The following C12orf43 variants were observed in gnomAD, a reference collection of about 807,000 sequenced individuals.
C12orf43 encodes protein CUSTOS.
In C12orf43, 15 loss-of-function variants were observed where a neutral mutation model predicts 20.6. That is an observed-to-expected ratio of 0.73 (90% CI 0.49 to 1.12). The LOEUF is 1.12. C12orf43 is among the 50% of genes most tolerant of loss of function. The pLI is 0.00. For missense variants in C12orf43, 334 were observed against 344.4 expected (o/e 0.97, Z 0.24); for synonymous variants, 144 against 130.8 (o/e 1.10, Z -0.69).
At position 121,003,982 on chromosome 12, in the gene C12orf43, C is replaced by A; in HGVS notation, c.*171G>T. The stretch of plus-strand genomic sequence containing the variant: ...TCTCACCCTACAGCCACTTTTTTGG[C>A]CCAACTCTCGAGCAAGCCTTCATCA... On this transcript the variant is annotated 3_prime_UTR_variant, in exon 6 of 6. Coordinates refer to ENST00000288757, the MANE Select transcript of C12orf43 (RefSeq NM_022895.3). 1 of 732,622 alleles carries A rather than the reference C, an allele frequency of 1.4e-6. No individual in the cohort carries two copies. 45.4% of individuals were successfully genotyped at this position (732,622 alleles called of 1,614,324 possible).
chr12:121,011,101 T>C lies in C12orf43; in HGVS notation c.188+3A>G, dbSNP rs1232165472. 2 of 1,613,968 alleles carry C rather than the reference T, an allele frequency of 1.2e-6. No individual in the cohort carries two copies. The highest frequency in any genetic ancestry group is 3.3e-5 in the Admixed American group (2 of 60,024). The stretch of plus-strand genomic sequence containing the variant: ...TGAAACTTGAACCCAAAGTGCATAG[T>C]ACCTGAGGCTCGGTTGGGAGGTTGA... On this transcript the variant is annotated splice_donor_region_variant and intron_variant, in intron 2 of 5. Transcript: ENST00000288757.
In C12orf43 at chr12:121,003,194, T is replaced by G. The variant is rs1877661092; in HGVS notation, c.*959A>C. ...GGCGTGTGTCAACATGCTCAGCTAA[T>G]TTTTGTATTTTTAGTAGAGATGGGG... On this transcript the variant is annotated 3_prime_UTR_variant, in exon 6 of 6. Coordinates refer to ENST00000288757, the MANE Select transcript of C12orf43 (RefSeq NM_022895.3). The G allele has an allele frequency of 1.3e-5, 2 of 152,058 alleles. No homozygotes were observed. The highest frequency in any genetic ancestry group is 6.6e-5 in the Admixed American group (1 of 15,246). The allele number at this position is 152,058 out of a possible 1,614,324, so 9.4% of individuals were successfully genotyped here.
At position 121,001,274 on chromosome 12, in the gene C12orf43, A is replaced by G; in HGVS notation, c.*2879T>C. 2 of 1,537,254 alleles carry G rather than the reference A, an allele frequency of 1.3e-6. No individual in the cohort carries two copies. The highest frequency in any genetic ancestry group is 1.8e-6 in the Non-Finnish European group (2 of 1,126,354). ...CAGCCAGCCCTGCCTGGAGGACCTG[A>G]GCCTGCCGAGCAACCGTGGCCCTTC... is the stretch of plus-strand genomic sequence containing the variant. On this transcript the variant is annotated 3_prime_UTR_variant, in exon 6 of 6. Transcript: ENST00000288757.
chr12:121,007,796 TGTATGCCAAAG>T (rs1878135730), intron 3 of C12orf43, among the ~76,000 whole-genome samples: 1 of 152,120 alleles, frequency 6.6e-6, no homozygotes, highest in Non-Finnish European at 1.5e-5. Context: ...CCTCCCTTCC[TGTATGCCAAAG>T]GTGCCCCCCA....
At chr12:121,014,956 C>G (rs1868766583) in intron 1 of C12orf43, among the ~76,000 whole-genome samples, 1 of 151,484 alleles carries the variant, frequency 6.6e-6, no homozygotes, top group Admixed American at 6.6e-5. Context: ...AGACTGAGTC[C>G]TAGTTTTGAA....
chr12:121,016,261 T>A (rs1592926632), intron 1 of C12orf43, 69 bp downstream of exon 1: 1 of 1,605,462 alleles, frequency 6.2e-7, no homozygotes, highest in East Asian at 2.2e-5. Flanking sequence ...CTCCTCACCA[T>A]CCATCCTCTC....
rs1424844629 is a variant in C12orf43 at position 121,003,535 on chromosome 12, A to G, written c.*618T>C. 1 of 152,458 alleles carries G rather than the reference A, an allele frequency of 6.6e-6. No individual in the cohort carries two copies. Among genetic ancestry groups the G allele is most frequent in the Non-Finnish European group, 1.5e-5 (1 of 68,240 alleles). The allele number at this position is 152,458 out of a possible 1,614,324, so 9.4% of individuals were successfully genotyped here. A position where few individuals can be genotyped will look rare whatever the true frequency, so the allele number is the denominator to read the frequency against. ...AAGTTTTGTTTTGGGTCCTCTGACAATTGAGTTTCCATAATCTGGTCGGCT... is the reference window on the plus strand; with the variant it reads ...AAGTTTTGTTTTGGGTCCTCTGACAGTTGAGTTTCCATAATCTGGTCGGCT... On this transcript the variant is annotated 3_prime_UTR_variant, in exon 6 of 6. Transcript: ENST00000288757.
chr12:121,009,057 G>C (rs541472190), intron 3 of C12orf43, among the ~76,000 whole-genome samples: 37 of 152,166 alleles, frequency 2.4e-4, no homozygotes, highest in Admixed American at 1.0e-3. Context: ...TGTTTCTCAC[G>C]CTTCTTTGCT....
rs368183052 is a variant in C12orf43 at position 121,001,216 on chromosome 12, C to G, written c.*2937G>C. 1.9e-6 allele frequency: 3 copies of G among 1,613,094 alleles called. No individual in the cohort carries two copies. The highest frequency in any genetic ancestry group is 3.3e-5 in the Admixed American group (2 of 59,980). On this transcript the variant is annotated 3_prime_UTR_variant, in exon 6 of 6. Transcript: ENST00000288757. ...AACCACGGCACCTGGGCCCTGGGGC[C>G]TGTACTGCCTGCTTGGGGGGTGATG...
intron 1 of C12orf43, 117 bp from the exon 2 acceptor site, chr12:121,011,263 A>C (rs944180499): frequency 2.5e-5 from 17 of 684,000 alleles, no homozygotes; most frequent in Admixed American, 2.1e-4. Flanking sequence ...ATATACATAC[A>C]CATGTAACTC....
rs1162497533 is a variant in C12orf43 at position 121,012,514 on chromosome 12, T to C, written c.146-1368A>G. On this transcript the variant is annotated intron_variant, in intron 1 of 5. Coordinates refer to ENST00000288757, the MANE Select transcript of C12orf43 (RefSeq NM_022895.3). ...AGGAACACGGAGTCTGCTGCAGTAA[T>C]TGATGTGGTGAGAAGTGGGTGAACT... The C allele has an allele frequency of 4.3e-6, 3 of 702,096 alleles. No homozygotes were observed. The African/African-American group carries it at 5.2e-5, about 12-fold the overall frequency. 43.5% of individuals were successfully genotyped at this position (702,096 alleles called of 1,614,324 possible). A position where few individuals can be genotyped will look rare whatever the true frequency, so the allele number is the denominator to read the frequency against.
chr12:121,004,053 G>A lies in C12orf43; in HGVS notation c.*100C>T. 7.5e-7 allele frequency: 1 copy of A among 1,341,016 alleles called. No homozygotes were observed. The highest frequency in any genetic ancestry group is 1.1e-6 in the Non-Finnish European group (1 of 935,422). 83.1% of individuals were successfully genotyped at this position (1,341,016 alleles called of 1,614,324 possible). On this transcript the variant is annotated 3_prime_UTR_variant, in exon 6 of 6. Coordinates refer to ENST00000288757, the MANE Select transcript of C12orf43 (RefSeq NM_022895.3). This position sits in a 1 kb window ranked among gnomAD's most constrained non-coding sequence, Gnocchi z 5.6. ...GTCTGGGTTTGCCAGCCCAGTCCTT[G>A]AACTTGGAGAGGGAGGTGGGGCTTG... is the stretch of plus-strand genomic sequence containing the variant.
chr12:121,007,165 G>GT (rs1878088782), intron 3 of C12orf43: 1 of 151,934 alleles, frequency 6.6e-6, no homozygotes, highest in Non-Finnish European at 1.5e-5. Flanking sequence ...GGGCAGACCT[G>GT]TTTTTAAATT....
chr12:121,016,445 A>C lies in C12orf43; in HGVS notation c.30T>G (p.Asp10Glu). The change falls in exon 1 of 6, where the codon GAT becomes GAG. Residue 10 changes from aspartate to glutamate, a missense_variant. By Grantham distance (45) the Asp-to-Glu change is conservative. Coordinates refer to ENST00000288757, the MANE Select transcript of C12orf43 (RefSeq NM_022895.3). ...CGCTACTGCTGTTACTACTTTCCGA[A>C]TCGCTCACTGTGCCACTGGGCGCCG... MAAPSGTVS[D>E]SESSNSSSDA... is the part of the protein sequence containing the mutation. The C allele has an allele frequency of 6.2e-7, 1 of 1,614,018 alleles. No individual in the cohort carries two copies. Among genetic ancestry groups the C allele is most frequent in the Non-Finnish European group, 8.5e-7 (1 of 1,180,004 alleles).
intron 3 of C12orf43, among the ~76,000 whole-genome samples, chr12:121,008,293 C>T (rs578050040): frequency 2.8e-4 from 43 of 152,184 alleles, no homozygotes; most frequent in Non-Finnish European, 4.9e-4. Context: ...CGCCACCATG[C>T]CCAGCTAATT....
intron 3 of C12orf43, among the ~76,000 whole-genome samples, chr12:121,008,281 C>T (rs1878173194): frequency 6.6e-6 from 1 of 152,012 alleles, no homozygotes. Flanking sequence ...ATAACAGGTG[C>T]ACGCCACCAT....
chr12:121,005,961 A>T lies in C12orf43; in HGVS notation c.361+360T>A. On this transcript the variant is annotated intron_variant, in intron 4 of 5. Transcript: ENST00000288757. The surrounding 1 kb of genome is among the most constrained non-coding windows in gnomAD (Gnocchi z 5.6). ...GCCAGGTGTGGTGGTGCACGCCTGT[A>T]GTCCCAGAACTTTGGAAGGCTAAGG... 1 of 198,388 alleles carries T rather than the reference A, an allele frequency of 5.0e-6. No homozygotes were observed. Among genetic ancestry groups the T allele is most frequent in the Non-Finnish European group, 1.0e-5 (1 of 97,492 alleles). The allele number at this position is 198,388 out of a possible 1,614,324, so 12.3% of individuals were successfully genotyped here.
At position 121,004,992 on chromosome 12, in the gene C12orf43, T is replaced by C; in HGVS notation, c.452+11A>G. The C allele has an allele frequency of 1.3e-6, 2 of 1,519,510 alleles. No homozygotes were observed. The highest frequency in any genetic ancestry group is 8.8e-7 in the Non-Finnish European group (1 of 1,133,372). 94.1% of individuals were successfully genotyped at this position (1,519,510 alleles called of 1,614,324 possible). A position where few individuals can be genotyped will look rare whatever the true frequency, so the allele number is the denominator to read the frequency against. On this transcript the variant is annotated intron_variant, in intron 5 of 5. Coordinates refer to ENST00000288757, the MANE Select transcript of C12orf43 (RefSeq NM_022895.3). This position sits in a 1 kb window ranked among gnomAD's most constrained non-coding sequence, Gnocchi z 5.6. Reference sequence around the variant, plus strand: ...AAAGGAGGGGACGTGAGGAGAGGTGTGAGTTCTCACCTGGAGCTGGAGGGC... The same window carrying C: ...AAAGGAGGGGACGTGAGGAGAGGTGCGAGTTCTCACCTGGAGCTGGAGGGC...
Position 121,016,427 on chromosome 12 carries a change from G to A in C12orf43, c.48C>T (p.Ser16=), listed in dbSNP as rs1868938226. 2.5e-6 allele frequency: 4 copies of A among 1,614,048 alleles called. No homozygotes were observed. Among genetic ancestry groups the A allele is most frequent in the Non-Finnish European group, 3.4e-6 (4 of 1,180,036 alleles). The change falls in exon 1 of 6, where the codon AGC becomes AGT. Residue 16 remains serine (S), a synonymous_variant. Transcript: ENST00000288757. ...GCTCCAGCTCCTCCGCATCGCTACT[G>A]CTGTTACTACTTTCCGAATCGCTCA... ...GTVSDSESSN[S]SSDAEELERC...
Sources: gnomAD v4.1 joint callset for allele counts (sites outside exome capture counted in the v4.1 genomes callset) on GRCh38, gnomAD v4.1.1 for gene constraint, Gnocchi (gnomAD v3.1) non-coding constraint, MANE v1.5 for transcripts, NCBI Gene and HGNC (gene_info 2026-07-23, HGNC 2026-07-21) for gene names.